Variants in MORC3 observed in about 807,000 individuals in gnomAD.
MORC3 encodes the protein MORC family CW-type zinc finger 3.
In MORC3, 31 loss-of-function variants were observed where a neutral mutation model predicts 109.1. The observed-to-expected ratio is 0.28, with a 90% CI of 0.21 to 0.38. MORC3 has a LOEUF of 0.38. Ranked by LOEUF, MORC3 falls within the 10% of genes least tolerant of loss-of-function variation. MORC3 has a pLI of 1.00. For missense variants in MORC3, 867 were observed against 1,135.8 expected (o/e 0.76, Z 3.40); for synonymous variants, 395 against 380.7 (o/e 1.04, Z -0.44).
rs771497153 is a variant in MORC3, at chr21:36,364,118, C to T, written c.1478C>T (p.Pro493Leu). 4 of 1,613,904 alleles carry T rather than the reference C, an allele frequency of 2.5e-6. No individual in the cohort carries two copies. The African/African-American group carries it at 5.3e-5, about 22-fold the overall frequency. Residue 493 changes from proline (P) to leucine (L), a missense_variant, in exon 14 of 17, where the codon CCA becomes CTA. By Grantham distance (98) the Pro-to-Leu change is moderately conservative. This residue lies in a region of MORC3 where 486 missense variants were observed against 502.1 expected (regional missense o/e 0.97). Transcript: ENST00000400485. ...ATTAATGCTGAACTGTTGTTTCGGC[C>T]AACTGCTCTTTCAACTCCAAGCTTT... ...PRINAELLFR[P>L]TALSTPSFSS...
chr21:36,370,804 A>C (rs148166347), intron 15 of MORC3, among the ~76,000 whole-genome samples: 68 of 151,536 alleles, frequency 4.5e-4, no homozygotes, highest in African/African-American at 1.5e-3. Context: ...CGAGTAGCTG[A>C]GATTACAGCA....
At chr21:36,330,766 T>C (rs916206134) in intron 1 of MORC3, among the ~76,000 whole-genome samples, 4 of 152,152 alleles carry the variant, frequency 2.6e-5, no homozygotes, top group African/African-American at 9.7e-5. Context: ...TAGAATGATA[T>C]TTGTACAGGG....
chr21:36,326,971 A>G (rs1367243025), intron 1 of MORC3, among the ~76,000 whole-genome samples: 1 of 151,412 alleles, frequency 6.6e-6, no homozygotes, highest in Non-Finnish European at 1.5e-5. Flanking sequence ...ACCTGCCACC[A>G]CGCCCGGCTA....
intron 1 of MORC3, among the ~76,000 whole-genome samples, chr21:36,331,491 G>A (rs202214698): frequency 5.9e-5 from 9 of 152,122 alleles, no homozygotes; most frequent in Non-Finnish European, 1.3e-4. Context: ...CCAGCTACTC[G>A]GGAGGCTGAG....
At chr21:36,322,764 T>G (rs1256155600) in intron 1 of MORC3, among the ~76,000 whole-genome samples, 1 of 152,216 alleles carries the variant, frequency 6.6e-6, no homozygotes, top group Non-Finnish European at 1.5e-5. Flanking sequence ...TTTTGCTTTT[T>G]ACCCCTGTAA....
intron 1 of MORC3, 130 bp from the exon 2 acceptor site, chr21:36,333,516 T>C: frequency 4.4e-6 from 3 of 687,640 alleles, no homozygotes; most frequent in Non-Finnish European, 7.6e-6. Flanking sequence ...CTTCCAGATG[T>C]ATCCTGGAGC....
intron 1 of MORC3, among the ~76,000 whole-genome samples, chr21:36,326,131 C>A (rs561194020): frequency 6.6e-6 from 1 of 151,416 alleles, no homozygotes; most frequent in Admixed American, 6.6e-5. Context: ...CGCTTGAACC[C>A]GGGAGGTGGA....
At chr21:36,326,384 G>A (rs533517178) in intron 1 of MORC3, among the ~76,000 whole-genome samples, 1 of 151,988 alleles carries the variant, frequency 6.6e-6, no homozygotes, top group African/African-American at 2.4e-5. Flanking sequence ...AAATTAGCCG[G>A]GCATGGTGAC....
At position 36,364,175 on chromosome 21, in the gene MORC3, A is replaced by G. The variant is rs762907752; in HGVS notation, c.1535A>G (p.His512Arg). ...SSPKESVPRR[H>R]LSEGTNSYAT... ...CCTAAGGAAAGTGTTCCAAGAAGAC[A>G]TCTTTCAGAAGGAACAAATTCTTAT... The change falls in exon 14 of 17, where the codon CAT (histidine) becomes CGT (arginine). Residue 512 changes from histidine (H) to arginine (R), a missense_variant. Around this residue, in one of 7 missense-constraint regions of MORC3, gnomAD observed 486 missense variants for 502.1 expected, o/e 0.97. Coordinates refer to ENST00000400485, the MANE Select transcript of MORC3 (RefSeq NM_015358.3). The G allele has an allele frequency of 3.7e-6, 6 of 1,614,040 alleles. No homozygotes were observed. In the South Asian group the frequency reaches 4.4e-5, roughly 12 times the overall value.
At chr21:36,320,861 T>A (rs1428420325) in intron 1 of MORC3, among the ~76,000 whole-genome samples, 2 of 152,160 alleles carry the variant, frequency 1.3e-5, no homozygotes, top group African/African-American at 4.8e-5. Context: ...GAGCTCGAGC[T>A]CTCCTCTTTA....
intron 16 of MORC3, 130 bp from the exon 17 acceptor site, chr21:36,375,013 G>A (rs1237548344): frequency 2.1e-6 from 2 of 935,354 alleles, no homozygotes; most frequent in African/African-American, 1.7e-5. Flanking sequence ...TCTAGGGGAG[G>A]TTTTGCTTTT....
rs1601534396 is a variant in MORC3 at position 36,360,266 on chromosome 21, T to C, written c.1406+8T>C. ...AAAAACCTACAAAAAGACGTGAGTG[T>C]TGTATTGATGTATAGTGGGTAATAA... On this transcript the variant is annotated splice_region_variant and intron_variant, in intron 12 of 16. Coordinates refer to ENST00000400485, the MANE Select transcript of MORC3 (RefSeq NM_015358.3). 1.2e-6 allele frequency: 2 copies of C among 1,609,900 alleles called. No individual in the cohort carries two copies. Among genetic ancestry groups the C allele is most frequent in the South Asian group, 2.2e-5 (2 of 90,922 alleles).
At chr21:36,354,469 T>C (rs531093360) in intron 9 of MORC3, among the ~76,000 whole-genome samples, 6 of 151,972 alleles carry the variant, frequency 3.9e-5, no homozygotes, top group African/African-American at 1.5e-4. Flanking sequence ...CACGCCCGGC[T>C]AATTTTTGTG....
chr21:36,354,695 T>C (rs963544784), intron 9 of MORC3, among the ~76,000 whole-genome samples: 6 of 152,226 alleles, frequency 3.9e-5, no homozygotes, highest in African/African-American at 1.4e-4. Context: ...GAAGTGTCCA[T>C]GTTGTAAAAG....
At position 36,360,013 on chromosome 21, in the gene MORC3, C is replaced by T. The variant is rs2085694953; in HGVS notation, c.1267C>T (p.Pro423Ser). 6.2e-7 allele frequency: 1 copy of T among 1,614,022 alleles called. No homozygotes were observed. The highest frequency in any genetic ancestry group is 1.1e-5 in the South Asian group (1 of 91,090). ...TGCCTGTCTAAAGTGGCGGAAATTA[C>T]CTGATGGGATGGATCAACTTCCTGA... ...CDACLKWRKL[P>S]DGMDQLPEKW... Residue 423 changes from proline (P) to serine (S), a missense_variant, in exon 11 of 17, where the codon CCT (proline) becomes TCT (serine). Pro to Ser is a moderately conservative substitution (Grantham distance 74, BLOSUM62 -1). Transcript: ENST00000400485.
Position 36,341,649 on chromosome 21 carries a change from C to G in MORC3, c.756+103C>G, listed in dbSNP as rs1601520773. 5 of 1,479,660 alleles carry G rather than the reference C, an allele frequency of 3.4e-6. No homozygotes were observed. In the African/African-American group the frequency reaches 5.7e-5, roughly 17 times the overall value. 91.7% of individuals were successfully genotyped at this position (1,479,660 alleles called of 1,614,324 possible). ...TTGTGATAGAAAGGCTGCCAGTGCT[C>G]TCTAAATGAAAGTATCTCAGACATG... On this transcript the variant is annotated intron_variant, in intron 6 of 16. Transcript: ENST00000400485.
chr21:36,347,291 A>G (rs2085519843), intron 8 of MORC3, among the ~76,000 whole-genome samples: 1 of 152,236 alleles, frequency 6.6e-6, no homozygotes, highest in Non-Finnish European at 1.5e-5. Flanking sequence ...TTTACATGGC[A>G]TGAGCCCAAA....
Position 36,338,801 on chromosome 21 carries a change from A to T in MORC3, c.488A>T (p.Lys163Ile). The stretch of plus-strand genomic sequence containing the variant: ...CAGATGATTAATTTAGCAGAATCAA[A>T]AGCCAGCCTTGCTGCAATTCTGGAA... Reference protein sequence around the residue: ...HRQMINLAESKASLAAILEHS... With the variant: ...HRQMINLAESIASLAAILEHS... The change falls in exon 5 of 17, where the codon AAA becomes ATA. Residue 163 changes from lysine (K) to isoleucine (I), a missense_variant. By Grantham distance (102) the Lys-to-Ile change is moderately radical. Transcript: ENST00000400485. The T allele has an allele frequency of 6.2e-7, 1 of 1,613,882 alleles. No individual in the cohort carries two copies. Among genetic ancestry groups the T allele is most frequent in the African/African-American group, 1.3e-5 (1 of 75,066 alleles).
intron 1 of MORC3, among the ~76,000 whole-genome samples, chr21:36,329,073 G>A (rs184652175): frequency 3.9e-5 from 6 of 152,016 alleles, no homozygotes; most frequent in Non-Finnish European, 5.9e-5. Flanking sequence ...TGGGCGGATC[G>A]CCTGAGGTCG....
Sources: allele counts gnomAD v4.1 joint callset (sites outside exome capture counted in the v4.1 genomes callset), GRCh38; gene constraint gnomAD v4.1.1; regional missense constraint gnomAD v4.1.1; transcripts MANE v1.5; gene names NCBI Gene and HGNC (gene_info 2026-07-23, HGNC 2026-07-21).